The following DLG2 variants were observed in gnomAD, a reference collection of about 807,000 sequenced individuals.
DLG2 encodes disks large homolog 2.
Under a neutral mutation model 132.5 loss-of-function variants are expected in DLG2, and 45 were observed. The ratio of observed to expected loss-of-function variants is 0.34; its 90% CI spans 0.27 to 0.44. The LOEUF is 0.44. Ranked by LOEUF, DLG2 falls within the 20% of genes least tolerant of loss-of-function variation. The pLI is 1.00. For missense variants in DLG2, 1,045 were observed against 1,196.9 expected, an observed-to-expected ratio of 0.87 and a Z score of 1.87; for synonymous variants, 424 against 419.6, an observed-to-expected ratio of 1.01 and a Z score of -0.13.
At chr11:84,449,002 G>C (rs961071608) in intron 7 of DLG2, among the ~76,000 whole-genome samples, 6 of 151,842 alleles carry the variant, frequency 4.0e-5, no homozygotes, top group African/African-American at 1.4e-4. Flanking sequence ...TCTAGCATTT[G>C]TTATTACCCT....
chr11:84,277,215 G>A (rs954546800), intron 7 of DLG2, among the ~76,000 whole-genome samples: 1 of 152,026 alleles, frequency 6.6e-6, no homozygotes, highest in African/African-American at 2.4e-5. Flanking sequence ...ATAAAACTAG[G>A]CACCAATTTG....
chr11:85,501,250 C>T (rs916155385), intron 3 of DLG2, among the ~76,000 whole-genome samples: 6 of 152,132 alleles, frequency 3.9e-5, no homozygotes, highest in Non-Finnish European at 7.4e-5. Context: ...CTTCCTTACA[C>T]CTTATACAAA....
At chr11:84,049,705 C>T (rs1230745447) in intron 11 of DLG2, among the ~76,000 whole-genome samples, 1 of 151,772 alleles carries the variant, frequency 6.6e-6, no homozygotes, top group Non-Finnish European at 1.5e-5. Flanking sequence ...TTCTTTATCT[C>T]CTTAATCTGG....
chr11:84,949,320 A>T (rs1484927678), intron 6 of DLG2, among the ~76,000 whole-genome samples: 3 of 151,732 alleles, frequency 2.0e-5, no homozygotes, highest in African/African-American at 7.3e-5. Flanking sequence ...GGGCGAGATC[A>T]CAGGACCACA....
At chr11:84,165,142 G>A (rs889321316) in intron 8 of DLG2, among the ~76,000 whole-genome samples, 2 of 152,174 alleles carry the variant, frequency 1.3e-5, no homozygotes, top group African/African-American at 4.8e-5. Flanking sequence ...CCCTCAGTAT[G>A]GCTCCATGAG....
chr11:84,042,131 AG>A (rs1471105252), intron 11 of DLG2, among the ~76,000 whole-genome samples: 2 of 151,960 alleles, frequency 1.3e-5, no homozygotes, highest in Non-Finnish European at 1.5e-5. Flanking sequence ...GTTGTGAAAA[AG>A]GGACACAACT....
rs149840416 is a variant in DLG2, at chr11:84,769,032, T to A, written c.358-234301A>T. On this transcript the variant is annotated intron_variant, in intron 6 of 27. Coordinates refer to ENST00000376104, the MANE Select transcript of DLG2 (RefSeq NM_001142699.3). ...AATTTAAAATAATTAGAAGTGCCAG[T>A]GTCTTCAGATGAGTAGGAATCAGTG... Among the ~76,000 whole-genome samples the A allele has an allele frequency of 2.6e-5, 4 of 152,264 alleles. No homozygotes were observed. The East Asian group carries it at 7.7e-4, about 29-fold the overall frequency.
Position 84,773,810 on chromosome 11 carries a change from GA to G in DLG2, c.358-239080del, listed in dbSNP as rs2069867156. On this transcript the variant is annotated intron_variant, in intron 6 of 27. Coordinates refer to ENST00000376104, the MANE Select transcript of DLG2 (RefSeq NM_001142699.3). Reference sequence around the variant, plus strand: ...CCTCAAAATAATAAAAGCCTTCTATGACAAACCCACAGCCAACATCATACTA... The same window carrying G: ...CCTCAAAATAATAAAAGCCTTCTATGCAAACCCACAGCCAACATCATACTA... Among the ~76,000 whole-genome samples, 6 of 152,078 alleles carry G rather than the reference GA, an allele frequency of 3.9e-5. No homozygotes were observed. In the South Asian group the frequency reaches 1.0e-3, roughly 26 times the overall value.
intron 6 of DLG2, among the ~76,000 whole-genome samples, chr11:84,554,638 C>T (rs1280081818): frequency 4.6e-5 from 7 of 151,894 alleles, no homozygotes. Flanking sequence ...CTCAGCCACT[C>T]GGGAAGCTGA....
At chr11:84,661,573 A>G (rs573314387) in intron 6 of DLG2, among the ~76,000 whole-genome samples, 5 of 152,298 alleles carry the variant, frequency 3.3e-5, no homozygotes, top group South Asian at 4.1e-4. Flanking sequence ...GTGAAAATTT[A>G]TCATCACTTA....
At chr11:84,165,077 A>G (rs2095631538) in intron 8 of DLG2, among the ~76,000 whole-genome samples, 1 of 152,146 alleles carries the variant, frequency 6.6e-6, no homozygotes, top group Non-Finnish European at 1.5e-5. Context: ...ATTTTCTTTG[A>G]TGGATAGGAA....
At chr11:85,467,530 AT>A (rs2092832788) in intron 3 of DLG2, among the ~76,000 whole-genome samples, 1 of 152,124 alleles carries the variant, frequency 6.6e-6, no homozygotes, top group Admixed American at 6.5e-5. Context: ...GGGTTGTTGA[AT>A]TTTGTCAAAG....
intron 6 of DLG2, among the ~76,000 whole-genome samples, chr11:84,793,320 C>T (rs2074133651): frequency 1.3e-5 from 2 of 152,164 alleles, no homozygotes; most frequent in South Asian, 4.2e-4. Context: ...GTTTTGTGAC[C>T]TAACATATGG....
chr11:84,595,636 A>C (rs2099554900), intron 6 of DLG2, among the ~76,000 whole-genome samples: 1 of 152,188 alleles, frequency 6.6e-6, no homozygotes, highest in African/African-American at 2.4e-5. Context: ...TCTTGCTCTC[A>C]AGGTAGTGAA....
At chr11:84,777,894 T>A (rs2070977247) in intron 6 of DLG2, among the ~76,000 whole-genome samples, 2 of 152,142 alleles carry the variant, frequency 1.3e-5, no homozygotes, top group Non-Finnish European at 2.9e-5. Context: ...TTGCTCCCAT[T>A]TTGCAGGCTG....
intron 3 of DLG2, among the ~76,000 whole-genome samples, chr11:85,432,260 C>A (rs530435253): frequency 6.6e-6 from 1 of 152,198 alleles, no homozygotes; most frequent in South Asian, 2.1e-4. Context: ...GCTCAGAGTG[C>A]CTCTTCTCCT....
intron 6 of DLG2, among the ~76,000 whole-genome samples, chr11:84,990,807 C>T (rs948573431): frequency 6.6e-6 from 1 of 151,976 alleles, no homozygotes; most frequent in African/African-American, 2.4e-5. Flanking sequence ...GTTTTAGTTT[C>T]GCTGCTGTTT....
intron 21 of DLG2, among the ~76,000 whole-genome samples, chr11:83,500,332 G>A (rs2094401054): frequency 6.6e-6 from 1 of 152,122 alleles, no homozygotes; most frequent in Non-Finnish European, 1.5e-5. Flanking sequence ...TCTGAACACA[G>A]GGCTTTGGCA....
At chr11:84,735,963 T>C (rs1266514519) in intron 6 of DLG2, among the ~76,000 whole-genome samples, 1 of 152,044 alleles carries the variant, frequency 6.6e-6, no homozygotes, top group Non-Finnish European at 1.5e-5. Flanking sequence ...TATTTTCATA[T>C]CTAAGAAATC....
Sources: gnomAD v4.1 joint callset for allele counts (sites outside exome capture counted in the v4.1 genomes callset) on GRCh38, gnomAD v4.1.1 for gene constraint, MANE v1.5 for transcripts, NCBI Gene and HGNC (gene_info 2026-07-23, HGNC 2026-07-21) for gene names.